The following PARD3B variants were observed in gnomAD, a reference collection of about 807,000 sequenced individuals.
PARD3B encodes par-3 family cell polarity regulator beta.
In PARD3B, 103 loss-of-function variants were observed where a neutral mutation model predicts 130.2. The ratio of observed to expected loss-of-function variants is 0.79; its 90% CI spans 0.67 to 0.93. The LOEUF is 0.93. PARD3B is among the 40% of genes least tolerant of loss of function. The pLI, the probability that PARD3B is intolerant of heterozygous loss-of-function variation, is 0.00. For synonymous variants in PARD3B, 583 were observed against 553.2 expected (o/e 1.05, Z -0.76); for missense variants, 1,609 against 1,499.2 (o/e 1.07, Z -1.21).
At chr2:205,216,362 G>A (rs1406718842) in intron 15 of PARD3B, among the ~76,000 whole-genome samples, 2 of 152,034 alleles carry the variant, frequency 1.3e-5, no homozygotes, top group African/African-American at 4.8e-5. Context: ...ATCTAGTGAC[G>A]CATGGCTTAT....
chr2:205,548,672 A>T (rs542191534), intron 21 of PARD3B, among the ~76,000 whole-genome samples: 1 of 152,260 alleles, frequency 6.6e-6, no homozygotes, highest in East Asian at 1.9e-4. Flanking sequence ...AATTCCCAGG[A>T]GATAAAATAC....
Position 205,440,598 on chromosome 2 carries a change from T to G in PARD3B, c.2970T>G (p.Ser990=), listed in dbSNP as rs2047680047. 1.9e-6 allele frequency: 3 copies of G among 1,613,952 alleles called. No individual in the cohort carries two copies. Among genetic ancestry groups the G allele is most frequent in the Non-Finnish European group, 2.5e-6 (3 of 1,179,930 alleles). Residue 990 remains serine, a synonymous_variant, in exon 20 of 23, where the codon TCT becomes TCG. Transcript: ENST00000406610. The surrounding 1 kb of genome is among the most constrained non-coding windows in gnomAD (Gnocchi z 4.2). ...FGYPRDGHPL[S]PERDHLEGLY... ...ACCCTCGGGATGGCCATCCACTGTC[T>G]CCAGAAAGAGACCACTTAGAGGGTC...
In PARD3B at chr2:205,078,588, G is replaced by C. The variant is rs1050766757; in HGVS notation, c.505-25838G>C. Among the ~76,000 whole-genome samples, 1 of 152,092 alleles carries C rather than the reference G, an allele frequency of 6.6e-6. No homozygotes were observed. Among genetic ancestry groups the C allele is most frequent in the Non-Finnish European group, 1.5e-5 (1 of 68,006 alleles). On this transcript the variant is annotated intron_variant, in intron 4 of 22. Transcript: ENST00000406610. The surrounding 1 kb of genome is among the most constrained non-coding windows in gnomAD (Gnocchi z 4.0). ...TCATGTAATTTTTTTAATCCATAGG[G>C]TAAGTGTGGAGATTGTCAAACATGT...
intron 1 of PARD3B, among the ~76,000 whole-genome samples, chr2:204,549,631 G>A (rs1435762047): frequency 6.6e-6 from 1 of 152,114 alleles, no homozygotes. Context: ...CCCAGCCAAG[G>A]TTGAGAATCA....
intron 18 of PARD3B, among the ~76,000 whole-genome samples, chr2:205,386,728 C>A (rs2045673959): frequency 6.6e-6 from 1 of 150,486 alleles, no homozygotes. Flanking sequence ...AACTGGGGCA[C>A]CGAGCAGGAG....
intron 15 of PARD3B, among the ~76,000 whole-genome samples, chr2:205,214,805 T>C (rs1392253200): frequency 6.6e-6 from 1 of 152,124 alleles, no homozygotes; most frequent in Non-Finnish European, 1.5e-5. Flanking sequence ...AACTCTAAAA[T>C]GGGCTAAATT....
intron 20 of PARD3B, among the ~76,000 whole-genome samples, chr2:205,474,745 C>T (rs2048966681): frequency 6.6e-6 from 1 of 152,136 alleles, no homozygotes; most frequent in Admixed American, 6.6e-5. Context: ...GGAAATAATG[C>T]TTCCACCAGT....
intron 15 of PARD3B, among the ~76,000 whole-genome samples, chr2:205,221,143 A>T (rs1238461498): frequency 6.6e-6 from 1 of 152,210 alleles, no homozygotes; most frequent in Non-Finnish European, 1.5e-5. Flanking sequence ...GCAGAGTCCC[A>T]CAGATTAGTC....
In PARD3B at chr2:204,545,480, A is replaced by G. The variant is rs1045743182; in HGVS notation, c.-520A>G. Among the ~76,000 whole-genome samples the G allele has an allele frequency of 2.6e-5, 4 of 151,960 alleles. No individual in the cohort carries two copies. The highest frequency in any genetic ancestry group is 5.9e-5 in the Non-Finnish European group (4 of 67,962). On this transcript the variant is annotated 5_prime_UTR_variant, in exon 1 of 23. Coordinates refer to ENST00000406610, the MANE Select transcript of PARD3B (RefSeq NM_001302769.2). Reference sequence around the variant, plus strand: ...GGGCCCAGGCCGTCGCCGGGACCGCAGGAGCCCAGAGCGCGGGCGCCGCAG... The same window carrying G: ...GGGCCCAGGCCGTCGCCGGGACCGCGGGAGCCCAGAGCGCGGGCGCCGCAG...
At chr2:204,927,298 C>T (rs2125767588) in intron 2 of PARD3B, among the ~76,000 whole-genome samples, 1 of 152,124 alleles carries the variant, frequency 6.6e-6, no homozygotes, top group South Asian at 2.1e-4. Flanking sequence ...GAGGGCAAAG[C>T]CCTCATGAAT....
intron 21 of PARD3B, among the ~76,000 whole-genome samples, chr2:205,524,784 C>T (rs1401701910): frequency 6.6e-6 from 1 of 152,180 alleles, no homozygotes; most frequent in Non-Finnish European, 1.5e-5. Flanking sequence ...AAGGCTTAGC[C>T]TCCTCTGCCT....
At chr2:204,969,960 A>T (rs1203351386) in intron 3 of PARD3B, among the ~76,000 whole-genome samples, 1 of 152,014 alleles carries the variant, frequency 6.6e-6, no homozygotes, top group African/African-American at 2.4e-5. Flanking sequence ...AGTTCCACTA[A>T]AACCAATATA....
At chr2:205,245,123 G>A (rs1003814488) in intron 15 of PARD3B, among the ~76,000 whole-genome samples, 3 of 152,132 alleles carry the variant, frequency 2.0e-5, no homozygotes, top group Non-Finnish European at 4.4e-5. Context: ...CTCAAGCTGG[G>A]GCCATCACTG....
chr2:205,237,393 AGTT>A (rs1256800937), intron 15 of PARD3B, among the ~76,000 whole-genome samples: 1 of 152,082 alleles, frequency 6.6e-6, no homozygotes. Context: ...ACACTCAGCC[AGTT>A]GTTATCCTTT....
intron 18 of PARD3B, among the ~76,000 whole-genome samples, chr2:205,349,881 A>G (rs1399234633): frequency 1.4e-5 from 2 of 147,910 alleles, no homozygotes; most frequent in Non-Finnish European, 3.0e-5. Context: ...TAATTTGAAT[A>G]TATCACTTGA....
chr2:204,810,057 A>G (rs1205903011), intron 2 of PARD3B, among the ~76,000 whole-genome samples: 1 of 151,062 alleles, frequency 6.6e-6, no homozygotes, highest in African/African-American at 2.5e-5. Context: ...GTGAATGTAT[A>G]GGAATGCTAG....
Position 205,146,778 on chromosome 2 carries a change from A to C in PARD3B, c.1435-11944A>C, listed in dbSNP as rs2033394396. 6.6e-6 allele frequency among the ~76,000 whole-genome samples: 1 copy of C among 151,740 alleles called. No individual in the cohort carries two copies. Among genetic ancestry groups the C allele is most frequent in the African/African-American group, 2.4e-5 (1 of 41,304 alleles). ...AGTCTCACTCTGTTGCCCAGGGTGG[A>C]ATGCAGTGGAGCGATCTCAGCTCAG... On this transcript the variant is annotated intron_variant, in intron 10 of 22. Coordinates refer to ENST00000406610, the MANE Select transcript of PARD3B (RefSeq NM_001302769.2). This position sits in a 1 kb window ranked among gnomAD's most constrained non-coding sequence, Gnocchi z 4.3.
At chr2:204,758,208 G>A (rs918549450) in intron 2 of PARD3B, among the ~76,000 whole-genome samples, 14 of 152,132 alleles carry the variant, frequency 9.2e-5, no homozygotes, top group African/African-American at 3.4e-4. Context: ...TGAGCCCCAA[G>A]ATGGGTGTTC....
At chr2:204,777,278 C>CATTT (rs2041660476) in intron 2 of PARD3B, among the ~76,000 whole-genome samples, 1 of 152,112 alleles carries the variant, frequency 6.6e-6, no homozygotes, top group Non-Finnish European at 1.5e-5. Context: ...ATATACTGAA[C>CATTT]ATTTAAAAGT....
Sources: allele counts gnomAD v4.1 joint callset (sites outside exome capture counted in the v4.1 genomes callset), GRCh38; gene constraint gnomAD v4.1.1; non-coding constraint Gnocchi (gnomAD v3.1); transcripts MANE v1.5; gene names NCBI Gene and HGNC (gene_info 2026-07-23, HGNC 2026-07-21).